Variants in MYO5A observed in about 807,000 individuals in gnomAD.
The protein encoded by MYO5A is unconventional myosin-Va.
A neutral mutation model predicts 249.7 loss-of-function variants in MYO5A; 98 were observed. The observed-to-expected ratio is 0.39, with a 90% confidence interval of 0.33 to 0.46. The LOEUF (loss-of-function observed/expected upper bound fraction) is 0.46. Among genes scored for constraint, MYO5A ranks in the 20% least tolerant of loss-of-function variants. MYO5A has a pLI of 0.98. For synonymous variants in MYO5A, 778 were observed against 810.6 expected (o/e 0.96, Z 0.68); for missense variants, 1,696 against 2,308.8 (o/e 0.73, Z 5.44).
At chr15:52,365,161 C>G (rs2040747477) in intron 23 of MYO5A, among the ~76,000 whole-genome samples, 1 of 152,230 alleles carries the variant, frequency 6.6e-6, no homozygotes, top group Non-Finnish European at 1.5e-5. Flanking sequence ...TTGTCCTACT[C>G]TACAGAGTCT....
intron 1 of MYO5A, chr15:52,505,247 C>T (rs1193029842): frequency 1.3e-6 from 1 of 775,058 alleles, no homozygotes; most frequent in Non-Finnish European, 2.4e-6. Context: ...GATTACCTGA[C>T]AGACAAGAGC....
At chr15:52,461,114 G>A (rs1032592321) in intron 1 of MYO5A, among the ~76,000 whole-genome samples, 2 of 152,074 alleles carry the variant, frequency 1.3e-5, no homozygotes, top group African/African-American at 4.8e-5. Context: ...CACCATGCCT[G>A]TTTAATTTTT....
intron 1 of MYO5A, among the ~76,000 whole-genome samples, chr15:52,468,007 A>G (rs901309114): frequency 6.6e-6 from 1 of 152,248 alleles, no homozygotes; most frequent in Non-Finnish European, 1.5e-5. Flanking sequence ...GCAAATAGGC[A>G]AAAGAAAAAA....
chr15:52,356,509 T>C (rs2040226252), intron 25 of MYO5A, among the ~76,000 whole-genome samples: 3 of 152,068 alleles, frequency 2.0e-5, no homozygotes, highest in Admixed American at 2.0e-4. Context: ...GATATTTCAA[T>C]ATATAGACAG....
At chr15:52,503,223 G>A (rs1246456916) in intron 1 of MYO5A, among the ~76,000 whole-genome samples, 2 of 152,052 alleles carry the variant, frequency 1.3e-5, no homozygotes, top group Non-Finnish European at 2.9e-5. Flanking sequence ...AAATAGGGAA[G>A]GTGATGGCTA....
intron 38 of MYO5A, 105 bp downstream of exon 38, chr15:52,321,254 C>T: frequency 1.4e-6 from 2 of 1,465,440 alleles, no homozygotes; most frequent in Non-Finnish European, 1.9e-6. Context: ...CTACTTTATG[C>T]TCCCCAAATG....
intron 4 of MYO5A, among the ~76,000 whole-genome samples, chr15:52,419,734 C>T (rs942896572): frequency 6.6e-6 from 1 of 152,124 alleles, no homozygotes; most frequent in Non-Finnish European, 1.5e-5. Flanking sequence ...CTATCAGATC[C>T]TCTCAAATCA....
intron 4 of MYO5A, 105 bp from the exon 5 acceptor site, chr15:52,416,406 T>A: frequency 7.8e-7 from 1 of 1,282,412 alleles, no homozygotes; most frequent in Non-Finnish European, 1.1e-6. Flanking sequence ...ATTAATGGAT[T>A]TTTTGGTCGA....
At chr15:52,519,466 G>T (rs2077567040) in intron 1 of MYO5A, among the ~76,000 whole-genome samples, 1 of 151,990 alleles carries the variant, frequency 6.6e-6, no homozygotes, top group African/African-American at 2.4e-5. Flanking sequence ...TAAAAAATTA[G>T]CCAGGCATGG....
intron 1 of MYO5A, among the ~76,000 whole-genome samples, chr15:52,486,445 T>C (rs150286805): frequency 4.6e-5 from 7 of 152,356 alleles, no homozygotes; most frequent in African/African-American, 1.7e-4. Context: ...CACTACACTG[T>C]ATCTTCCTTA....
In MYO5A at chr15:52,412,946, A is replaced by C. The variant is rs563068837; in HGVS notation, c.613-2470T>G. ...GTGGATCACCTGAGGTCAAGAGTTC[A>C]AGACCAGCCTGACCAACACGGTGAA... On this transcript the variant is annotated intron_variant, in intron 5 of 41. Transcript: ENST00000399233. Among the ~76,000 whole-genome samples, 5 of 152,218 alleles carry C rather than the reference A, an allele frequency of 3.3e-5. No homozygotes were observed. The East Asian group carries it at 9.7e-4, about 29-fold the overall frequency.
intron 1 of MYO5A, chr15:52,505,456 A>T: frequency 2.1e-6 from 2 of 947,248 alleles, no homozygotes; most frequent in Non-Finnish European, 3.5e-6. Flanking sequence ...CACTACAGGA[A>T]GTGGAGCTAC....
intron 1 of MYO5A, among the ~76,000 whole-genome samples, chr15:52,476,977 C>G (rs1180333191): frequency 1.3e-5 from 2 of 152,192 alleles, no homozygotes; most frequent in East Asian, 3.8e-4. Context: ...GGATAATAAC[C>G]TGAAGAGTGT....
At chr15:52,507,239 AATGCTAATT>A (rs2077291467) in intron 1 of MYO5A, among the ~76,000 whole-genome samples, 1 of 152,244 alleles carries the variant, frequency 6.6e-6, no homozygotes, top group Non-Finnish European at 1.5e-5. Flanking sequence ...TTACACATAA[AATGCTAATT>A]ATGCTAGTTA....
chr15:52,323,208 T>C (rs375576149), intron 37 of MYO5A, 147 bp downstream of exon 37: 3 of 669,706 alleles, frequency 4.5e-6, no homozygotes, highest in Non-Finnish European at 8.2e-6. Flanking sequence ...TCATAGATAG[T>C]GAACATCAAA....
chr15:52,360,544 G>A (rs1567051195), intron 24 of MYO5A, among the ~76,000 whole-genome samples: 2 of 152,294 alleles, frequency 1.3e-5, no homozygotes, highest in East Asian at 3.9e-4. Context: ...AAAGAAAGAT[G>A]AAGGAGTTCA....
At chr15:52,382,970 G>A in intron 16 of MYO5A, 121 bp downstream of exon 16, 1 of 849,154 alleles carries the variant, frequency 1.2e-6, no homozygotes, top group South Asian at 1.4e-5. Context: ...TACAAGGCAT[G>A]AAGACTTACC....
At chr15:52,518,264 C>CAAAAAA (rs36190580) in intron 1 of MYO5A, among the ~76,000 whole-genome samples, 1 of 107,822 alleles carries the variant, frequency 9.3e-6, no homozygotes, top group African/African-American at 3.5e-5. Flanking sequence ...ACCCCTCCCA[C>CAAAAAA]AAAAAAAAAA....
Position 52,389,224 on chromosome 15 carries a change from T to C in MYO5A, c.1668+14A>G, listed in dbSNP as rs201036623. Reference sequence around the variant, plus strand: ...AAGTATTCAAAAAGAAAAACTGATATAAAGCTTCCTTACTTTGTCAGCAAA... The same window carrying C: ...AAGTATTCAAAAAGAAAAACTGATACAAAGCTTCCTTACTTTGTCAGCAAA... On this transcript the variant is annotated intron_variant, in intron 13 of 41. Coordinates refer to ENST00000399233, the MANE Select transcript of MYO5A (RefSeq NM_001382347.1). The C allele has an allele frequency of 3.3e-5, 53 of 1,611,518 alleles. No homozygotes were observed. In the African/African-American group the frequency reaches 5.9e-4, roughly 18 times the overall value.
Sources: allele counts gnomAD v4.1 joint callset (sites outside exome capture counted in the v4.1 genomes callset), GRCh38; gene constraint gnomAD v4.1.1; transcripts MANE v1.5; gene names NCBI Gene and HGNC (gene_info 2026-07-23, HGNC 2026-07-21).